The following DMBT1 variants were observed in gnomAD, a reference collection of about 807,000 sequenced individuals.
DMBT1 encodes the protein scavenger receptor cysteine-rich domain-containing protein DMBT1.
In DMBT1, 198 loss-of-function variants were observed where a neutral mutation model predicts 252.9. The ratio of observed to expected loss-of-function variants is 0.78; its 90% CI spans 0.70 to 0.88. The LOEUF (loss-of-function observed/expected upper bound fraction) is 0.88, where lower values mean the gene tolerates loss of function less well. Among genes scored for constraint, DMBT1 ranks in the 40% least tolerant of loss-of-function variants. The pLI is 0.00. For synonymous variants in DMBT1, 990 were observed against 942.7 expected (o/e 1.05, Z -0.92); for missense variants, 2,432 against 2,404.7 (o/e 1.01, Z -0.24).
chr10:122,578,531 G>A lies in DMBT1; in HGVS notation c.638-187G>A, dbSNP rs376069525. On this transcript the variant is annotated intron_variant, in intron 8 of 55. Transcript: ENST00000338354. ...CTCTCAGAGAGAGGTGGAAGGGCCT[G>A]CATGGTGTCCTTTGTCCCTGAATGA... Among the ~76,000 whole-genome samples, 23 of 152,280 alleles carry A rather than the reference G, an allele frequency of 1.5e-4. No homozygotes were observed. The South Asian group carries it at 2.7e-3, about 18-fold the overall frequency.
chr10:122,586,512 C>T, intron 16 of DMBT1, 129 bp downstream of exon 16: 1 of 1,400,616 alleles, frequency 7.1e-7, no homozygotes, highest in South Asian at 1.5e-5. Context: ...CCTTAGCTCT[C>T]TCCTAGGAAA....
intron 40 of DMBT1, 45 bp from the exon 41 acceptor site, chr10:122,617,972 A>C (rs2098013712): frequency 6.2e-7 from 1 of 1,607,720 alleles, no homozygotes; most frequent in Non-Finnish European, 8.5e-7. Context: ...TAGATTGTTG[A>C]CCTCCTGGTG....
rs750648572 is a variant in DMBT1, at chr10:122,643,103, G to T, written c.7353-19G>T. 1.9e-6 allele frequency: 3 copies of T among 1,610,896 alleles called. No homozygotes were observed. The highest frequency in any genetic ancestry group is 1.1e-5 in the South Asian group (1 of 90,974). On this transcript the variant is annotated intron_variant, in intron 55 of 55. Transcript: ENST00000338354. ...AATCGGGCCTTGGTGAGAGCTAAGG[G>T]GCTACTGTTCTCTTCCAGATGCGTG...
intron 44 of DMBT1, 148 bp downstream of exon 44, chr10:122,621,528 A>T (rs2098068829): frequency 7.1e-7 from 1 of 1,407,282 alleles, no homozygotes; most frequent in East Asian, 2.4e-5. Context: ...AAGAATCCAT[A>T]TGAATTCACT....
At chr10:122,640,785 A>G (rs996093694) in intron 55 of DMBT1, among the ~76,000 whole-genome samples, 4 of 152,180 alleles carry the variant, frequency 2.6e-5, no homozygotes, top group African/African-American at 9.6e-5. Flanking sequence ...ACTCTAGGTG[A>G]CTGAACTCCA....
At position 122,632,864 on chromosome 10, in the gene DMBT1, C is replaced by T; in HGVS notation, c.6371C>T (p.Pro2124Leu). Residue 2124 changes from proline to leucine, a missense_variant, in exon 51 of 56, where the codon CCT (proline) becomes CTT (leucine). Pro to Leu is a moderately conservative substitution (Grantham distance 98). Around this residue, in one of 3 missense-constraint regions of DMBT1, gnomAD observed 1,162 missense variants for 1,169.0 expected, o/e 0.99. Transcript: ENST00000338354. ...CSGNHLSTPAPFLNITRPNTD... is the reference protein window; with the variant it reads ...CSGNHLSTPALFLNITRPNTD... ...GATCTTTTCTTTTTGTCAACAGCTC[C>T]TTTTCTCAACATCACCCGTCCAAAC... is the stretch of plus-strand genomic sequence containing the variant. 1 of 1,613,900 alleles carries T rather than the reference C, an allele frequency of 6.2e-7. No individual in the cohort carries two copies. The highest frequency in any genetic ancestry group is 2.2e-5 in the East Asian group (1 of 44,874).
At position 122,592,351 on chromosome 10, in the gene DMBT1, C is replaced by A; in HGVS notation, c.2256C>A (p.Gly752=). 1 of 1,588,278 alleles carries A rather than the reference C, an allele frequency of 6.3e-7. No individual in the cohort carries two copies. Among genetic ancestry groups the A allele is most frequent in the Non-Finnish European group, 8.6e-7 (1 of 1,165,788 alleles). The change falls in exon 20 of 56, where the codon GGC becomes GGA. Residue 752 remains glycine, a synonymous_variant. Coordinates refer to ENST00000338354, the MANE Select transcript of DMBT1 (RefSeq NM_001377530.1). The part of the protein sequence containing the change: ...CQGRVEVLYR[G]SWGTVCDDSW... ...GCCGAGTAGAGGTCCTATACCGAGG[C>A]TCCTGGGGCACCGTGTGTGATGACA... is the stretch of plus-strand genomic sequence containing the variant.
In DMBT1 at chr10:122,637,257, C is replaced by T. The variant is rs368472383; in HGVS notation, c.6887C>T (p.Thr2296Met). The T allele has an allele frequency of 3.0e-5, 48 of 1,613,930 alleles. No homozygotes were observed. The highest frequency in any genetic ancestry group is 2.4e-4 in the South Asian group (22 of 91,058). The part of the protein sequence containing the change: ...NGYYECRPQI[T>M]PNLVIFTIPY... ...TACTACGAGTGTCGGCCCCAGATAA[C>T]GCCGAACCTGGTGATATTCACAATT... is the stretch of plus-strand genomic sequence containing the variant. The change falls in exon 54 of 56, where the codon ACG (threonine) becomes ATG (methionine). Residue 2296 changes from threonine (T) to methionine (M), a missense_variant. Around this residue, in one of 3 missense-constraint regions of DMBT1, gnomAD observed 1,162 missense variants for 1,169.0 expected, o/e 0.99. Transcript: ENST00000338354.
At chr10:122,619,259 A>G in intron 41 of DMBT1, 49 bp from the exon 42 acceptor site, 1 of 1,613,174 alleles carries the variant, frequency 6.2e-7, no homozygotes, top group Non-Finnish European at 8.5e-7. Flanking sequence ...CAGTTTTGCC[A>G]TTTTCTGTAT....
In DMBT1 at chr10:122,621,255, C is replaced by T. The variant is rs1407666685; in HGVS notation, c.5483C>T (p.Ser1828Leu). Residue 1828 changes from serine (S) to leucine (L), a missense_variant, in exon 44 of 56, where the codon TCA (serine) becomes TTA (leucine). By Grantham distance (145) the Ser-to-Leu change is moderately radical (BLOSUM62 -2). Coordinates refer to ENST00000338354, the MANE Select transcript of DMBT1 (RefSeq NM_001377530.1). ...GGAAATGCCCGGTTTGGCCAGGGCT[C>T]AGGACCCATTGTCCTGGATGATGTG... ...APGNARFGQGSGPIVLDDVRC... is the reference protein window; with the variant it reads ...APGNARFGQGLGPIVLDDVRC... 1 of 1,613,814 alleles carries T rather than the reference C, an allele frequency of 6.2e-7. No homozygotes were observed. Among genetic ancestry groups the T allele is most frequent in the Non-Finnish European group, 8.5e-7 (1 of 1,179,768 alleles).
rs1225417066 is a variant in DMBT1, at chr10:122,618,267, G to A, written c.5142G>A (p.Leu1714=). The A allele has an allele frequency of 7.4e-6, 12 of 1,613,714 alleles. No homozygotes were observed. Among genetic ancestry groups the A allele is most frequent in the East Asian group, 4.5e-5 (2 of 44,890 alleles). The change falls in exon 41 of 56, where the codon CTG becomes CTA. Residue 1714 remains leucine, a synonymous_variant. Transcript: ENST00000338354. ...GCTGCTCAGGACACGAGTCTTACCT[G>A]TGGAGCTGCCCCCACAATGGCTGGC... ...DVRCSGHESY[L]WSCPHNGWLS... is the part of the protein sequence containing the mutation.
chr10:122,597,998 C>G lies in DMBT1; in HGVS notation c.2942C>G (p.Pro981Arg). Residue 981 changes from proline (P) to arginine (R), a missense_variant, in exon 25 of 56, where the codon CCT becomes CGT. Pro to Arg is a moderately radical substitution (Grantham distance 103). This residue lies in a region of DMBT1 where 1,264 missense variants were observed against 1,082.2 expected (regional missense o/e 1.17). Coordinates refer to ENST00000338354, the MANE Select transcript of DMBT1 (RefSeq NM_001377530.1). The stretch of plus-strand genomic sequence containing the variant: ...GACACATTGCCGACCATCACCTTGC[C>G]TGCATCGACAGTAGGTAAATATTCC... ...SPDTLPTITLPASTVGSESSL... is the reference protein window; with the variant it reads ...SPDTLPTITLRASTVGSESSL... The G allele has an allele frequency of 5.0e-6, 8 of 1,613,956 alleles. No individual in the cohort carries two copies. Among genetic ancestry groups the G allele is most frequent in the Non-Finnish European group, 5.1e-6 (6 of 1,179,880 alleles).
chr10:122,630,442 A>G lies in DMBT1; in HGVS notation c.5977A>G (p.Ser1993Gly), dbSNP rs1211594333. 3.1e-6 allele frequency: 5 copies of G among 1,614,010 alleles called. No individual in the cohort carries two copies. Among genetic ancestry groups the G allele is most frequent in the South Asian group, 1.1e-5 (1 of 91,074 alleles). Reference sequence around the variant, plus strand: ...GACCATTCACTTTCGAAGTGACATCAGTTTCCAAAACACTGGCTTTTTGGC... The same window carrying G: ...GACCATTCACTTTCGAAGTGACATCGGTTTCCAAAACACTGGCTTTTTGGC... ...RMTIHFRSDI[S>G]FQNTGFLAWY... The change falls in exon 48 of 56, where the codon AGT (serine) becomes GGT (glycine). Residue 1993 changes from serine (S) to glycine (G), a missense_variant. Ser to Gly is a moderately conservative substitution (Grantham distance 56, BLOSUM62 0). Coordinates refer to ENST00000338354, the MANE Select transcript of DMBT1 (RefSeq NM_001377530.1).
In DMBT1 at chr10:122,598,978, C is replaced by T. The variant is rs190124750; in HGVS notation, c.3161C>T (p.Pro1054Leu). ...GCCCGGTTTGGTCAGGGCTCAGGAC[C>T]CATTGTCCTGGATGATGTGCGCTGC... ...GNARFGQGSG[P>L]IVLDDVRCSG... The change falls in exon 26 of 56, where the codon CCC (proline) becomes CTC (leucine). Residue 1054 changes from proline (P) to leucine (L), a missense_variant. By Grantham distance (98) the Pro-to-Leu change is moderately conservative. Around this residue, in one of 3 missense-constraint regions of DMBT1, gnomAD observed 1,264 missense variants for 1,082.2 expected, o/e 1.17. Coordinates refer to ENST00000338354, the MANE Select transcript of DMBT1 (RefSeq NM_001377530.1). 17 of 1,613,760 alleles carry T rather than the reference C, an allele frequency of 1.1e-5. No homozygotes were observed. Among genetic ancestry groups the T allele is most frequent in the Admixed American group, 1.7e-5 (1 of 60,014 alleles).
intron 1 of DMBT1, among the ~76,000 whole-genome samples, chr10:122,564,336 A>C (rs4282927): frequency 6.6e-6 from 1 of 152,220 alleles, no homozygotes; most frequent in Non-Finnish European, 1.5e-5. Context: ...GGGCATGGTG[A>C]CACATGCCTG....
chr10:122,569,081 G>A (rs2981782), intron 2 of DMBT1, among the ~76,000 whole-genome samples: 104,474 of 151,974 alleles, frequency 0.69, 36,119 homozygotes, highest in East Asian at 0.77. Context: ...GACAATGAAG[G>A]TCAAGGGATC....
chr10:122,561,771 C>T (rs1017526426), intron 1 of DMBT1, among the ~76,000 whole-genome samples: 1 of 151,416 alleles, frequency 6.6e-6, no homozygotes. Context: ...TCTCCCTGCC[C>T]CCCTCACTGT....
At position 122,619,326 on chromosome 10, in the gene DMBT1, C is replaced by A. The variant is rs776086353; in HGVS notation, c.5234C>A (p.Thr1745Lys). Residue 1745 changes from threonine (T) to lysine (K), a missense_variant, in exon 42 of 56, where the codon ACG becomes AAG. Physicochemically the swap from Thr to Lys is moderately conservative, Grantham distance 78. This residue lies in a region of DMBT1 where 1,162 missense variants were observed against 1,169.0 expected (regional missense o/e 0.99). Transcript: ENST00000338354. The part of the protein sequence containing the change: ...VICSAAQSQS[T>K]PRPDTWLTTN... ...CTCACAGCTGCTCAGTCCCAGTCAA[C>A]GCCCAGGCCAGGTGAGTCCCCAGCA... The A allele has an allele frequency of 8.7e-6, 14 of 1,613,980 alleles. No homozygotes were observed. Among genetic ancestry groups the A allele is most frequent in the Non-Finnish European group, 1.2e-5 (14 of 1,179,880 alleles).
At chr10:122,575,062 C>A (rs959988370) in intron 6 of DMBT1, among the ~76,000 whole-genome samples, 1 of 152,124 alleles carries the variant, frequency 6.6e-6, no homozygotes, top group Admixed American at 6.5e-5. Flanking sequence ...TTCCAGGGCT[C>A]TGGAGCAATT....
Sources: allele counts gnomAD v4.1 joint callset (sites outside exome capture counted in the v4.1 genomes callset), GRCh38; gene constraint gnomAD v4.1.1; regional missense constraint gnomAD v4.1.1; transcripts MANE v1.5; gene names NCBI Gene and HGNC (gene_info 2026-07-23, HGNC 2026-07-21).